The following HPN variants were observed in gnomAD, a reference collection of about 807,000 sequenced individuals.
HPN encodes serine protease hepsin.
Under a neutral mutation model 55.9 loss-of-function variants are expected in HPN, and 13 were observed. The observed-to-expected ratio is 0.23, with a 90% CI of 0.15 to 0.37. The LOEUF is 0.37. Among genes scored for constraint, HPN ranks in the 10% least tolerant of loss-of-function variants. The probability of loss-of-function intolerance (pLI) is 1.00; values close to 1 mark genes in which losing one functional copy is unlikely to be tolerated. For missense variants in HPN, 451 were observed against 575.8 expected (o/e 0.78, Z 2.22); for synonymous variants, 225 against 240.3 (o/e 0.94, Z 0.59).
intron 9 of HPN, 121 bp from the exon 10 acceptor site, chr19:35,065,129 G>T (rs986602822): frequency 3.6e-5 from 21 of 582,506 alleles, no homozygotes; most frequent in South Asian, 1.9e-4. Context: ...GCCTATTGTG[G>T]TTTTTTTTTT....
At chr19:35,051,633 C>T (rs1214318434) in intron 4 of HPN, among the ~76,000 whole-genome samples, 1 of 151,952 alleles carries the variant, frequency 6.6e-6, no homozygotes, top group African/African-American at 2.4e-5. Flanking sequence ...GGATTTGAAC[C>T]CAGGCAGCCT....
At chr19:35,062,661 T>A (rs1179982282) in intron 9 of HPN, among the ~76,000 whole-genome samples, 1 of 152,100 alleles carries the variant, frequency 6.6e-6, no homozygotes, top group African/African-American at 2.4e-5. Flanking sequence ...GGTGGGGGTA[T>A]CGCTTGAGCT....
chr19:35,059,947 G>A lies in HPN; in HGVS notation c.364G>A (p.Glu122Lys). Residue 122 changes from glutamate to lysine, a missense_variant, in exon 6 of 13, where the codon GAG (glutamate) becomes AAG (lysine). Glu to Lys is a moderately conservative substitution (Grantham distance 56). This residue lies in a region of HPN where 378 missense variants were observed against 445.5 expected (regional missense o/e 0.85). Coordinates refer to ENST00000672452, the MANE Select transcript of HPN (RefSeq NM_001384133.1). ...CACGTCGGGCTTCTTCTGTGTGGAC[G>A]AGGGGAGGCTGCCCCACACCCAGAG... Reference protein sequence around the residue: ...NGTSGFFCVDEGRLPHTQRLL... With the variant: ...NGTSGFFCVDKGRLPHTQRLL... 2 of 1,544,166 alleles carry A rather than the reference G, an allele frequency of 1.3e-6. No homozygotes were observed. The highest frequency in any genetic ancestry group is 1.3e-5 in the South Asian group (1 of 78,934).
chr19:35,042,656 G>C (rs1822111728), intron 2 of HPN, 134 bp downstream of exon 2: 2 of 648,310 alleles, frequency 3.1e-6, no homozygotes, highest in Admixed American at 2.6e-5. Context: ...ACCCCTGTTA[G>C]TCCTCCTCCA....
chr19:35,059,585 G>A, intron 4 of HPN, 88 bp from the exon 5 acceptor site: 1 of 1,507,570 alleles, frequency 6.6e-7, no homozygotes, highest in Non-Finnish European at 8.9e-7. Context: ...CATGGCTGGA[G>A]CACAGGCCAG....
rs146978841 is a variant in HPN, at chr19:35,055,157, A to G, written c.161-4516A>G. ...ATACCCTGTCTCTACAGAAAAAAAT[A>G]AATTTAAAAGGCGTTTTTAGCTCAG... is the stretch of plus-strand genomic sequence containing the variant. On this transcript the variant is annotated intron_variant, in intron 4 of 12. Transcript: ENST00000672452. 1.4e-3 allele frequency among the ~76,000 whole-genome samples: 214 copies of G among 152,284 alleles called. 2 individuals carry two copies. Among genetic ancestry groups the G allele is most frequent in the Non-Finnish European group, 2.1e-3 (143 of 68,024 alleles).
In HPN at chr19:35,065,323, C is replaced by T. The variant is rs530528933; in HGVS notation, c.885C>T (p.Gly295=). The change falls in exon 10 of 13, where the codon GGC becomes GGT. Residue 295 remains glycine, a synonymous_variant. Coordinates refer to ENST00000672452, the MANE Select transcript of HPN (RefSeq NM_001384133.1). ...LVDGKICTVT[G]WGNTQYYGQQ... Reference sequence around the variant, plus strand: ...ATGGCAAGATCTGTACCGTGACGGGCTGGGGCAACACGCAGTACTATGGTG... The same window carrying T: ...ATGGCAAGATCTGTACCGTGACGGGTTGGGGCAACACGCAGTACTATGGTG... 2.0e-4 allele frequency: 328 copies of T among 1,613,834 alleles called. 2 individuals are homozygous for T. The South Asian group carries it at 3.4e-3, about 17-fold the overall frequency.
intron 2 of HPN, among the ~76,000 whole-genome samples, chr19:35,048,072 G>GAA (rs1445253659): frequency 3.5e-5 from 2 of 57,102 alleles, no homozygotes; most frequent in Non-Finnish European, 6.5e-5. Flanking sequence ...AAGAAAGAAA[G>GAA]AAAGAAAGAA....
chr19:35,056,177 G>A (rs778703150), intron 4 of HPN, among the ~76,000 whole-genome samples: 7 of 151,878 alleles, frequency 4.6e-5, no homozygotes, highest in Non-Finnish European at 1.0e-4. Context: ...CGCTCTCCTT[G>A]CAGCGACTGA....
intron 2 of HPN, among the ~76,000 whole-genome samples, chr19:35,046,086 C>A (rs993606618): frequency 2.0e-5 from 3 of 152,140 alleles, no homozygotes; most frequent in Non-Finnish European, 4.4e-5. Flanking sequence ...CCTGCTGGAA[C>A]CTGGAGAGTG....
At chr19:35,051,724 T>C (rs1398700286) in intron 4 of HPN, among the ~76,000 whole-genome samples, 6 of 151,542 alleles carry the variant, frequency 4.0e-5, no homozygotes, top group Non-Finnish European at 1.5e-5. Context: ...ATTGCCATAG[T>C]AAAGACTGAC....
chr19:35,053,315 C>T (rs1248376443), intron 4 of HPN, among the ~76,000 whole-genome samples: 2 of 152,086 alleles, frequency 1.3e-5, no homozygotes, highest in Non-Finnish European at 2.9e-5. Context: ...AGTTAACAGT[C>T]ATTTTAAAAT....
chr19:35,054,021 G>A (rs991614139), intron 4 of HPN, among the ~76,000 whole-genome samples: 3 of 152,252 alleles, frequency 2.0e-5, no homozygotes, highest in African/African-American at 7.2e-5. Flanking sequence ...CAGGGAATAT[G>A]CTGGTCTGGG....
intron 4 of HPN, among the ~76,000 whole-genome samples, chr19:35,050,242 C>T (rs1003631515): frequency 6.6e-6 from 1 of 152,198 alleles, no homozygotes; most frequent in East Asian, 1.9e-4. Context: ...CCTGCTTCAG[C>T]CTCCCAAGTA....
rs1199226386 is a variant in HPN, at chr19:35,059,681, A to C, written c.169A>C (p.Ser57Arg). 13 of 1,597,520 alleles carry C rather than the reference A, an allele frequency of 8.1e-6. No homozygotes were observed. The East Asian group carries it at 2.5e-4, about 31-fold the overall frequency. ...GCCCTGTCGCCCTGCAGTGCAGGTC[A>C]GCTCTGCGGACGCTCGGCTCATGGT... ...DQEPLYPVQV[S>R]SADARLMVFD... The change falls in exon 5 of 13, where the codon AGC (serine) becomes CGC (arginine). Residue 57 changes from serine (S) to arginine (R), a missense_variant. By Grantham distance (110) the Ser-to-Arg change is moderately radical. Coordinates refer to ENST00000672452, the MANE Select transcript of HPN (RefSeq NM_001384133.1).
chr19:35,044,113 TC>T (rs1268732041), intron 2 of HPN, among the ~76,000 whole-genome samples: 5 of 152,232 alleles, frequency 3.3e-5, no homozygotes, highest in Non-Finnish European at 7.3e-5. Context: ...AATGGCGCCT[TC>T]CTCGTGAACA....
intron 9 of HPN, among the ~76,000 whole-genome samples, chr19:35,061,459 T>A (rs1173531966): frequency 6.6e-6 from 1 of 152,044 alleles, no homozygotes; most frequent in Non-Finnish European, 1.5e-5. Flanking sequence ...CCTGGCGTGG[T>A]GGCACACGCC....
At position 35,042,664 on chromosome 19, in the gene HPN, C is replaced by G. The variant is rs1056176373; in HGVS notation, c.16+142C>G. On this transcript the variant is annotated intron_variant, in intron 2 of 12. Transcript: ENST00000672452. ...CATCCCCACCCCTGTTAGTCCTCCT[C>G]CACCTGATTAACTATTAACCACATT... 5 of 653,072 alleles carry G rather than the reference C, an allele frequency of 7.7e-6. No individual in the cohort carries two copies. The African/African-American group carries it at 9.2e-5, about 12-fold the overall frequency. The allele number at this position is 653,072 out of a possible 1,614,324, so 40.5% of individuals were successfully genotyped here.
At chr19:35,058,652 A>G (rs1487117318) in intron 4 of HPN, among the ~76,000 whole-genome samples, 1 of 148,140 alleles carries the variant, frequency 6.8e-6, no homozygotes, top group Non-Finnish European at 1.5e-5. Flanking sequence ...ATTATGTAAT[A>G]ATAATACTAC....
Sources: allele counts gnomAD v4.1 joint callset (sites outside exome capture counted in the v4.1 genomes callset), GRCh38; gene constraint gnomAD v4.1.1; regional missense constraint gnomAD v4.1.1; transcripts MANE v1.5; gene names NCBI Gene and HGNC (gene_info 2026-07-23, HGNC 2026-07-21).